STARD3NL: variants seen among roughly 807,000 people sequenced by gnomAD.
The protein encoded by STARD3NL is STARD3 N-terminal like.
A neutral mutation model predicts 30.9 loss-of-function variants in STARD3NL; 17 were observed. The observed-to-expected ratio is 0.55, with a 90% CI of 0.38 to 0.82. The LOEUF is 0.82. STARD3NL is among the 40% of genes least tolerant of loss of function. The pLI, the probability that STARD3NL is intolerant of heterozygous loss-of-function variation, is 0.00. For synonymous variants in STARD3NL, 112 were observed against 100.5 expected (o/e 1.11, Z -0.69); for missense variants, 234 against 277.6 (o/e 0.84, Z 1.12).
intron 2 of STARD3NL, among the ~76,000 whole-genome samples, chr7:38,212,790 C>G (rs1450761817): frequency 6.6e-6 from 1 of 152,094 alleles, no homozygotes; most frequent in Non-Finnish European, 1.5e-5. Context: ...TTTATCATCC[C>G]CAGTATGCAA....
chr7:38,227,996 CT>C (rs2116460286), intron 7 of STARD3NL, among the ~76,000 whole-genome samples: 1 of 152,232 alleles, frequency 6.6e-6, no homozygotes, highest in South Asian at 2.1e-4. Flanking sequence ...TCTACTCTTT[CT>C]CGTTTGCACA....
At chr7:38,221,799 T>A (rs949429002) in intron 7 of STARD3NL, among the ~76,000 whole-genome samples, 1 of 152,230 alleles carries the variant, frequency 6.6e-6, no homozygotes, top group African/African-American at 2.4e-5. Context: ...ACCTTGTGAC[T>A]GCCTTCTGGT....
At chr7:38,182,164 G>A (rs1207100468) in intron 1 of STARD3NL, among the ~76,000 whole-genome samples, 1 of 152,040 alleles carries the variant, frequency 6.6e-6, no homozygotes, top group African/African-American at 2.4e-5. Context: ...ACAGTTTTTT[G>A]CAGATTGTAG....
At chr7:38,224,958 G>A (rs1196893829) in intron 7 of STARD3NL, among the ~76,000 whole-genome samples, 1 of 152,136 alleles carries the variant, frequency 6.6e-6, no homozygotes, top group Non-Finnish European at 1.5e-5. Context: ...CAGGTATCCA[G>A]GGATAAGGGA....
intron 1 of STARD3NL, among the ~76,000 whole-genome samples, chr7:38,178,824 C>T (rs1324763866): frequency 1.4e-5 from 2 of 144,794 alleles, no homozygotes; most frequent in Non-Finnish European, 3.0e-5. Context: ...CAGACACAGG[C>T]GGTTGTGAGT....
chr7:38,187,094 C>T (rs201029810), intron 1 of STARD3NL, among the ~76,000 whole-genome samples: 1 of 152,076 alleles, frequency 6.6e-6, no homozygotes, highest in Non-Finnish European at 1.5e-5. Context: ...GAGAGACTTG[C>T]GTTGAACGAG....
chr7:38,221,970 G>A (rs997825665), intron 7 of STARD3NL, among the ~76,000 whole-genome samples: 2 of 152,194 alleles, frequency 1.3e-5, no homozygotes, highest in African/African-American at 2.4e-5. Context: ...CATCGCTCCC[G>A]GCAGTCTTAG....
At chr7:38,184,844 C>CTGCCTA (rs2115925673) in intron 1 of STARD3NL, among the ~76,000 whole-genome samples, 4 of 145,818 alleles carry the variant, frequency 2.7e-5, no homozygotes, top group Admixed American at 2.7e-4. Flanking sequence ...AGCATATATA[C>CTGCCTA]TATATATATG....
intron 7 of STARD3NL, among the ~76,000 whole-genome samples, chr7:38,222,652 G>C (rs1046573247): frequency 5.9e-5 from 9 of 152,166 alleles, no homozygotes; most frequent in Non-Finnish European, 1.2e-4. Flanking sequence ...GGATCCATCT[G>C]CATTTCACCT....
chr7:38,210,589 C>G (rs962855534), intron 2 of STARD3NL, among the ~76,000 whole-genome samples: 1 of 152,136 alleles, frequency 6.6e-6, no homozygotes. Context: ...TTGATTCTAT[C>G]CAAGGCCTCT....
At chr7:38,205,750 C>T (rs973529968) in intron 1 of STARD3NL, among the ~76,000 whole-genome samples, 1 of 152,094 alleles carries the variant, frequency 6.6e-6, no homozygotes, top group Non-Finnish European at 1.5e-5. Context: ...ACTAAATGAA[C>T]ACAACTATGT....
intron 1 of STARD3NL, among the ~76,000 whole-genome samples, chr7:38,204,786 A>C (rs567235494): frequency 5.3e-5 from 8 of 152,248 alleles, no homozygotes; most frequent in East Asian, 3.9e-4. Context: ...AGATGCAATA[A>C]AAAATGATAA....
intron 1 of STARD3NL, among the ~76,000 whole-genome samples, chr7:38,195,422 A>C (rs1784859121): frequency 6.6e-6 from 1 of 152,202 alleles, no homozygotes; most frequent in Non-Finnish European, 1.5e-5. Flanking sequence ...TATGTGTCAG[A>C]ATTTGCAGAG....
In STARD3NL at chr7:38,222,141, T is replaced by TCACACACACACA. The variant is rs3223376; in HGVS notation, c.649+2514_649+2525dup. On this transcript the variant is annotated intron_variant, in intron 7 of 8. Transcript: ENST00000009041. ...CCTACATTAGGCCTAGTTAATATTT[T>TCACACACACACA]CACACACACACACACACACACACAC... Among the ~76,000 whole-genome samples the TCACACACACACA allele has an allele frequency of 5.9e-3, 849 of 144,264 alleles. 5 individuals are homozygous for TCACACACACACA. The highest frequency in any genetic ancestry group is 0.01 in the African/African-American group (412 of 39,248). 94.6% of individuals were successfully genotyped at this position (144,264 alleles called of 152,430 possible).
intron 1 of STARD3NL, among the ~76,000 whole-genome samples, chr7:38,205,496 C>T (rs1785409310): frequency 6.6e-6 from 1 of 152,092 alleles, no homozygotes. Flanking sequence ...GCTTCATAAA[C>T]ATTTATTTTA....
chr7:38,208,364 G>A (rs1353951007), intron 2 of STARD3NL, among the ~76,000 whole-genome samples: 1 of 152,150 alleles, frequency 6.6e-6, no homozygotes, highest in Non-Finnish European at 1.5e-5. Flanking sequence ...GGAGGTTTAT[G>A]CAGTTATTCT....
chr7:38,200,751 C>T (rs926566366), intron 1 of STARD3NL, among the ~76,000 whole-genome samples: 2 of 152,050 alleles, frequency 1.3e-5, no homozygotes, highest in Admixed American at 6.6e-5. Flanking sequence ...CTTACCGATC[C>T]CCCAAATAGA....
intron 1 of STARD3NL, among the ~76,000 whole-genome samples, chr7:38,181,923 A>G (rs1784264109): frequency 6.6e-6 from 1 of 152,128 alleles, no homozygotes; most frequent in Non-Finnish European, 1.5e-5. Context: ...AACTCCAGCC[A>G]GCCAAAATTC....
At chr7:38,186,152 C>T (rs1018496200) in intron 1 of STARD3NL, among the ~76,000 whole-genome samples, 8 of 152,058 alleles carry the variant, frequency 5.3e-5, no homozygotes, top group Non-Finnish European at 7.4e-5. Flanking sequence ...AAGAGGAAGT[C>T]GTAAATATTC....
Sources: allele counts gnomAD v4.1 joint callset (sites outside exome capture counted in the v4.1 genomes callset), GRCh38; gene constraint gnomAD v4.1.1; transcripts MANE v1.5; gene names NCBI Gene and HGNC (gene_info 2026-07-23, HGNC 2026-07-21).